SLC4A10: variants seen among roughly 807,000 people sequenced by gnomAD.
SLC4A10 encodes the protein sodium-driven chloride bicarbonate exchanger.
SLC4A10 carries 42 observed loss-of-function variants against 137.7 expected under a neutral mutation model. The ratio of observed to expected loss-of-function variants is 0.30; its 90% CI spans 0.24 to 0.39. The LOEUF (loss-of-function observed/expected upper bound fraction) is 0.39. SLC4A10 is among the 10% of genes least tolerant of loss of function. The pLI is 1.00. For missense variants in SLC4A10, 925 were observed against 1,355.0 expected, an observed-to-expected ratio of 0.68 and a Z score of 4.98; for synonymous variants, 474 against 464.1, an observed-to-expected ratio of 1.02 and a Z score of -0.27.
At chr2:161,670,305 T>TC (rs1219446864) in intron 1 of SLC4A10, among the ~76,000 whole-genome samples, 1 of 151,510 alleles carries the variant, frequency 6.6e-6, no homozygotes, top group Non-Finnish European at 1.5e-5. Flanking sequence ...CATCTTCTTT[T>TC]TTTTTTTCCA....
chr2:161,625,414 G>GA lies in SLC4A10; in HGVS notation c.48+858dup, dbSNP rs373576422. On this transcript the variant is annotated intron_variant, in intron 1 of 26. Transcript: ENST00000446997. Reference sequence around the variant, plus strand: ...GCTGTTTCTGTGTTTAAGGAAAAAAGAAAAAAAAAACCCAGTATTTTCTTG... The same window carrying GA: ...GCTGTTTCTGTGTTTAAGGAAAAAAGAAAAAAAAAAACCCAGTATTTTCTTG... 5.8e-3 allele frequency among the ~76,000 whole-genome samples: 852 copies of GA among 146,010 alleles called. 11 individuals are homozygous for GA. Among genetic ancestry groups the GA allele is most frequent in the African/African-American group, 0.018 (711 of 39,870 alleles).
chr2:161,788,293 C>T (rs1209383050), intron 2 of SLC4A10, among the ~76,000 whole-genome samples: 1 of 151,854 alleles, frequency 6.6e-6, no homozygotes, highest in Non-Finnish European at 1.5e-5. Flanking sequence ...GAGCAGAGGT[C>T]TCAGTAAACT....
chr2:161,950,875 AAAT>A (rs1453628064), intron 19 of SLC4A10, 27 bp downstream of exon 19: 1 of 1,542,888 alleles, frequency 6.5e-7, no homozygotes, highest in Admixed American at 2.0e-5. Flanking sequence ...ATTTTAATGT[AAAT>A]AATTATGACA....
At chr2:161,969,930 T>A (rs929594427) in intron 23 of SLC4A10, among the ~76,000 whole-genome samples, 2 of 152,186 alleles carry the variant, frequency 1.3e-5, no homozygotes, top group African/African-American at 4.8e-5. Context: ...AAGCATATTC[T>A]TCTTCCATAA....
intron 26 of SLC4A10, among the ~76,000 whole-genome samples, chr2:161,978,054 T>C (rs1699663894): frequency 6.6e-6 from 1 of 152,188 alleles, no homozygotes; most frequent in Admixed American, 6.5e-5. Flanking sequence ...TGGCATCAAA[T>C]TTCTGGATAG....
chr2:161,939,539 A>G (rs188832479), intron 15 of SLC4A10, among the ~76,000 whole-genome samples: 81 of 152,292 alleles, frequency 5.3e-4, no homozygotes, highest in African/African-American at 1.9e-3. Flanking sequence ...TGATTCTATC[A>G]GCCATAGGTA....
At chr2:161,778,822 G>T (rs1039307882) in intron 2 of SLC4A10, among the ~76,000 whole-genome samples, 4 of 151,848 alleles carry the variant, frequency 2.6e-5, no homozygotes, top group Admixed American at 2.6e-4. Flanking sequence ...TAAGTCAAAA[G>T]CTTAGTGGAG....
At chr2:161,899,329 C>A (rs1158429563) in intron 11 of SLC4A10, among the ~76,000 whole-genome samples, 1 of 152,100 alleles carries the variant, frequency 6.6e-6, no homozygotes, top group African/African-American at 2.4e-5. Flanking sequence ...CTTATTCATT[C>A]CCTTTTATAA....
intron 1 of SLC4A10, among the ~76,000 whole-genome samples, chr2:161,686,794 G>A (rs1300377743): frequency 6.6e-6 from 1 of 152,050 alleles, no homozygotes; most frequent in East Asian, 1.9e-4. Context: ...GGAAGTAAAG[G>A]TGTAAGAGAA....
intron 2 of SLC4A10, among the ~76,000 whole-genome samples, chr2:161,796,306 T>C (rs1344611122): frequency 6.6e-6 from 1 of 152,206 alleles, no homozygotes; most frequent in Non-Finnish European, 1.5e-5. Flanking sequence ...CTCAGCTAGT[T>C]AGTTCTTCTA....
intron 1 of SLC4A10, among the ~76,000 whole-genome samples, chr2:161,729,901 C>A (rs1016562877): frequency 6.6e-6 from 1 of 152,094 alleles, no homozygotes; most frequent in Non-Finnish European, 1.5e-5. Context: ...CACTGGTCCT[C>A]TTTTATTTGT....
At chr2:161,719,770 G>T (rs1171675876) in intron 1 of SLC4A10, among the ~76,000 whole-genome samples, 4 of 151,744 alleles carry the variant, frequency 2.6e-5, no homozygotes, top group Non-Finnish European at 5.9e-5. Flanking sequence ...GTAAATTTGA[G>T]TTCATTGTAG....
At chr2:161,706,161 T>C (rs1277694071) in intron 1 of SLC4A10, among the ~76,000 whole-genome samples, 1 of 151,460 alleles carries the variant, frequency 6.6e-6, no homozygotes, top group African/African-American at 2.4e-5. Context: ...TGCACTCAGG[T>C]TTCATGTTTT....
chr2:161,932,449 A>T (rs763829719), intron 15 of SLC4A10, among the ~76,000 whole-genome samples: 8 of 152,184 alleles, frequency 5.3e-5, no homozygotes, highest in Non-Finnish European at 1.0e-4. Context: ...CTACTTTTTA[A>T]AATAAGCACT....
chr2:161,947,820 G>C lies in SLC4A10; in HGVS notation c.2265+93G>C, dbSNP rs1694094944. 3.0e-6 allele frequency: 4 copies of C among 1,349,182 alleles called. No individual in the cohort carries two copies. In the South Asian group the frequency reaches 5.7e-5, roughly 19 times the overall value. 83.6% of individuals were successfully genotyped at this position (1,349,182 alleles called of 1,614,324 possible). On this transcript the variant is annotated intron_variant, in intron 17 of 26. Coordinates refer to ENST00000446997, the MANE Select transcript of SLC4A10 (RefSeq NM_001178015.2). Reference sequence around the variant, plus strand: ...TAAAAGGAGCCACTGAAAGGCTTTTGTGTGAGTGAGCTGCCAGGTTAGTTG... The same window carrying C: ...TAAAAGGAGCCACTGAAAGGCTTTTCTGTGAGTGAGCTGCCAGGTTAGTTG...
rs183214288 is a variant in SLC4A10 at position 161,626,556 on chromosome 2, G to C, written c.48+1990G>C. Among the ~76,000 whole-genome samples the C allele has an allele frequency of 5.9e-5, 9 of 152,296 alleles. No individual in the cohort carries two copies. In the East Asian group the frequency reaches 1.7e-3, roughly 29 times the overall value. Reference sequence around the variant, plus strand: ...CAAGAAAAACAAGCCTGAGGGGCTAGAGAGGATGCTGAATTACTGGTCCAG... The same window carrying C: ...CAAGAAAAACAAGCCTGAGGGGCTACAGAGGATGCTGAATTACTGGTCCAG... On this transcript the variant is annotated intron_variant, in intron 1 of 26. Coordinates refer to ENST00000446997, the MANE Select transcript of SLC4A10 (RefSeq NM_001178015.2).
chr2:161,859,070 C>T (rs776014723), intron 5 of SLC4A10, among the ~76,000 whole-genome samples: 4 of 152,100 alleles, frequency 2.6e-5, no homozygotes, highest in Non-Finnish European at 5.9e-5. Flanking sequence ...CCCCCCACCT[C>T]TCCCAATATC....
At chr2:161,743,593 T>A (rs527960854) in intron 1 of SLC4A10, among the ~76,000 whole-genome samples, 12 of 152,256 alleles carry the variant, frequency 7.9e-5, no homozygotes, top group East Asian at 3.9e-4. Flanking sequence ...TGTTTGTTTT[T>A]GCTGTGGACA....
At chr2:161,825,402 G>A (rs1012056396) in intron 3 of SLC4A10, among the ~76,000 whole-genome samples, 1 of 152,082 alleles carries the variant, frequency 6.6e-6, no homozygotes, top group Admixed American at 6.6e-5. Context: ...CACTCCTTAG[G>A]CTTAGCAAGA....
Sources: allele counts gnomAD v4.1 joint callset (sites outside exome capture counted in the v4.1 genomes callset), GRCh38; gene constraint gnomAD v4.1.1; transcripts MANE v1.5; gene names NCBI Gene and HGNC (gene_info 2026-07-23, HGNC 2026-07-21).